Variants in BRD10 observed in about 807,000 individuals in gnomAD.
The protein encoded by BRD10 is uncharacterized bromodomain-containing protein 10.
the BRD10 span, among the ~76,000 whole-genome samples, chr9:5,934,868 C>G: frequency 6.6e-6 from 1 of 152,088 alleles, no homozygotes; most frequent in Non-Finnish European, 1.5e-5. Flanking sequence ...TAAACTGTAA[C>G]TAAGTATTTT....
the BRD10 span, among the ~76,000 whole-genome samples, chr9:5,978,965 T>A: frequency 2.0e-5 from 3 of 152,220 alleles, no homozygotes; most frequent in Non-Finnish European, 4.4e-5. Context: ...AAACTTGTAC[T>A]ATAGGAAATT....
the BRD10 span, chr9:5,913,952 G>A: frequency 3.6e-4 from 159 of 440,094 alleles, no homozygotes; most frequent in Non-Finnish European, 5.4e-4. Flanking sequence ...AGATGGCCTC[G>A]AGAAAGTCTT....
the BRD10 span, chr9:5,908,935 T>C: frequency 1.9e-6 from 1 of 520,822 alleles, no homozygotes; most frequent in East Asian, 3.3e-5. Flanking sequence ...AATGTTGCAA[T>C]GCATGATACT....
the BRD10 span, among the ~76,000 whole-genome samples, chr9:5,985,760 G>C: frequency 1.3e-5 from 2 of 150,042 alleles, no homozygotes; most frequent in Admixed American, 1.4e-4. Context: ...ACTCCAGCCT[G>C]GGCAACAACA....
the BRD10 span, among the ~76,000 whole-genome samples, chr9:5,911,831 A>T: frequency 6.6e-6 from 1 of 152,062 alleles, no homozygotes. Flanking sequence ...CACCACGCCC[A>T]GCCTGTAGGT....
the BRD10 span, among the ~76,000 whole-genome samples, chr9:5,954,916 C>T: frequency 2.6e-5 from 4 of 151,940 alleles, no homozygotes; most frequent in Admixed American, 6.6e-5. Flanking sequence ...GGCGAAACCC[C>T]GTCTCTACTA....
the BRD10 span, chr9:5,968,077 C>T: frequency 1.0e-5 from 16 of 1,558,710 alleles, no homozygotes; most frequent in South Asian, 1.8e-4. Flanking sequence ...TATTCTGGAT[C>T]TCAGGTTTGT....
At chr9:5,891,200 G>A in the BRD10 span, 1 of 152,234 alleles carries the variant, frequency 6.6e-6, no homozygotes, top group African/African-American at 2.4e-5. Flanking sequence ...CCTCCCTGAG[G>A]TAGATGTGTT....
the BRD10 span, chr9:5,919,766 A>G: frequency 6.2e-7 from 1 of 1,613,698 alleles, no homozygotes; most frequent in South Asian, 1.1e-5. Context: ...ACTGGCAGAT[A>G]CAACAATCTG....
chr9:5,983,131 T>C, the BRD10 span, among the ~76,000 whole-genome samples: 1 of 152,068 alleles, frequency 6.6e-6, no homozygotes, highest in African/African-American at 2.4e-5. Context: ...AAGGTAGCAA[T>C]TCGGACAGCC....
the BRD10 span, among the ~76,000 whole-genome samples, chr9:5,944,625 A>G: frequency 1.3e-5 from 2 of 152,110 alleles, no homozygotes; most frequent in African/African-American, 2.4e-5. Context: ...ATACTGGGAA[A>G]TATCTAAAAC....
At chr9:6,007,179 G>A in the BRD10 span, 14 of 1,607,214 alleles carry the variant, frequency 8.7e-6, no homozygotes, top group Non-Finnish European at 9.4e-6. Context: ...TCCCACCGGG[G>A]ACCGGGCTCG....
the BRD10 span, among the ~76,000 whole-genome samples, chr9:5,991,328 C>T: frequency 6.6e-6 from 1 of 152,092 alleles, no homozygotes; most frequent in African/African-American, 2.4e-5. Flanking sequence ...TGAGTTCAAA[C>T]TCTCATCTAG....
At chr9:5,923,180 T>C in the BRD10 span, 3 of 1,614,054 alleles carry the variant, frequency 1.9e-6, no homozygotes, top group Non-Finnish European at 2.5e-6. Context: ...GTCATCCACA[T>C]AATCAGTTTG....
the BRD10 span, among the ~76,000 whole-genome samples, chr9:5,927,107 TG>T: frequency 6.6e-6 from 1 of 152,168 alleles, no homozygotes; most frequent in Non-Finnish European, 1.5e-5. Flanking sequence ...AATATCTATG[TG>T]GGGATAGTAT....
At chr9:5,985,781 G>A in the BRD10 span, among the ~76,000 whole-genome samples, 11 of 77,380 alleles carry the variant, frequency 1.4e-4, no homozygotes, top group Non-Finnish European at 3.1e-4. Flanking sequence ...GCAAAACTCC[G>A]TCTCAAAAAA....
chr9:5,965,335 T>G, the BRD10 span, among the ~76,000 whole-genome samples: 1 of 151,824 alleles, frequency 6.6e-6, no homozygotes, highest in Admixed American at 6.6e-5. Context: ...AAACACTACG[T>G]TAAACAAAAT....
the BRD10 span, among the ~76,000 whole-genome samples, chr9:5,996,491 G>C: frequency 6.6e-6 from 1 of 152,034 alleles, no homozygotes; most frequent in Non-Finnish European, 1.5e-5. Flanking sequence ...GCTAATTTTT[G>C]TATGTTTAGT....
chr9:6,007,586 C>T, the BRD10 span: 6 of 1,608,338 alleles, frequency 3.7e-6, no homozygotes, highest in Non-Finnish European at 5.1e-6. Context: ...TTGCAGCAAC[C>T]GCCTCCGATC....
Sources: allele counts gnomAD v4.1 joint callset (sites outside exome capture counted in the v4.1 genomes callset), GRCh38; gene constraint gnomAD v4.1.1; transcripts MANE v1.5; gene names NCBI Gene and HGNC (gene_info 2026-07-23, HGNC 2026-07-21).